The following MEI4 variants were observed in gnomAD, a reference collection of about 807,000 sequenced individuals.
MEI4 encodes the protein meiotic double-stranded break formation protein 4.
A neutral mutation model predicts 31.4 loss-of-function variants in MEI4; 27 were observed. The observed-to-expected ratio is 0.86, with a 90% CI of 0.63 to 1.19. The LOEUF is 1.19. Ranked by LOEUF, MEI4 falls within the 50% of genes most tolerant of loss-of-function variation. The pLI is 0.00. For missense variants in MEI4, 329 were observed against 398.9 expected (o/e 0.82, Z 1.49); for synonymous variants, 122 against 145.4 (o/e 0.84, Z 1.16).
At chr6:77,841,899 ATGTG>A (rs1770375389) in intron 4 of MEI4, among the ~76,000 whole-genome samples, 1 of 152,150 alleles carries the variant, frequency 6.6e-6, no homozygotes, top group African/African-American at 2.4e-5. Context: ...ATAATGATAA[ATGTG>A]TGTGAGCCTA....
At chr6:77,742,884 T>C (rs1162488105) in intron 2 of MEI4, among the ~76,000 whole-genome samples, 1 of 152,118 alleles carries the variant, frequency 6.6e-6, no homozygotes, top group Non-Finnish European at 1.5e-5. Context: ...GGGACTCCTT[T>C]CCCCATTGCT....
At chr6:77,916,929 C>A (rs529981655) in intron 4 of MEI4, among the ~76,000 whole-genome samples, 2 of 148,942 alleles carry the variant, frequency 1.3e-5, no homozygotes, top group East Asian at 2.0e-4. Context: ...CCTACCCCCA[C>A]CCCACCACAG....
At chr6:77,821,728 A>T (rs1453035921) in intron 3 of MEI4, among the ~76,000 whole-genome samples, 1 of 148,486 alleles carries the variant, frequency 6.7e-6, no homozygotes, top group Non-Finnish European at 1.5e-5. Flanking sequence ...CCCAGAAAGC[A>T]GAGGTTGTGG....
At chr6:77,751,990 A>G (rs943560645) in intron 2 of MEI4, among the ~76,000 whole-genome samples, 1 of 152,170 alleles carries the variant, frequency 6.6e-6, no homozygotes, top group Non-Finnish European at 1.5e-5. Context: ...AACATAATCC[A>G]TCACATAAAC....
chr6:77,743,707 G>T (rs1388536745), intron 2 of MEI4, among the ~76,000 whole-genome samples: 1 of 152,150 alleles, frequency 6.6e-6, no homozygotes, highest in Non-Finnish European at 1.5e-5. Flanking sequence ...AGCCTAACTG[G>T]GAGGCACCCC....
intron 4 of MEI4, among the ~76,000 whole-genome samples, chr6:77,841,379 G>A (rs1266479615): frequency 2.7e-5 from 3 of 112,274 alleles, no homozygotes; most frequent in African/African-American, 7.8e-5. Context: ...TGCGCTTGTC[G>A]CCCAGGCTGG....
intron 4 of MEI4, among the ~76,000 whole-genome samples, chr6:77,911,127 T>C (rs1255160120): frequency 1.3e-5 from 2 of 152,056 alleles, no homozygotes; most frequent in East Asian, 3.9e-4. Flanking sequence ...TATTTTTTAT[T>C]GTTGCATTGC....
intron 4 of MEI4, among the ~76,000 whole-genome samples, chr6:77,886,435 GT>G (rs751562893): frequency 2.4e-5 from 1 of 41,814 alleles, no homozygotes; most frequent in East Asian, 2.1e-3. Context: ...TTCCAGTTTT[GT>G]TTTTTTTTTT....
At chr6:77,910,420 A>G (rs1766406610) in intron 4 of MEI4, among the ~76,000 whole-genome samples, 1 of 152,206 alleles carries the variant, frequency 6.6e-6, no homozygotes, top group Non-Finnish European at 1.5e-5. Flanking sequence ...AATAACAAAC[A>G]GAGAGCCAAA....
intron 1 of MEI4, among the ~76,000 whole-genome samples, chr6:77,690,315 TGA>T (rs1769134903): frequency 6.6e-6 from 1 of 152,184 alleles, no homozygotes; most frequent in South Asian, 2.1e-4. Flanking sequence ...ATCAGAATTT[TGA>T]GGGAGTATAT....
chr6:77,729,642 C>A (rs550368056), intron 2 of MEI4, among the ~76,000 whole-genome samples: 1 of 152,246 alleles, frequency 6.6e-6, no homozygotes, highest in South Asian at 2.1e-4. Context: ...ACTTTACAGA[C>A]TTCTTCAATT....
At chr6:77,760,482 T>C in intron 2 of MEI4, among the ~76,000 whole-genome samples, 1 of 152,174 alleles carries the variant, frequency 6.6e-6, no homozygotes. Context: ...CTATATTATT[T>C]ATCTTAGTCT....
intron 4 of MEI4, among the ~76,000 whole-genome samples, chr6:77,845,154 G>C (rs1770451703): frequency 6.6e-6 from 1 of 152,044 alleles, no homozygotes; most frequent in Admixed American, 6.6e-5. Flanking sequence ...ACAGCTAACA[G>C]CTTTTGTCTT....
chr6:77,793,922 T>C (rs958333172), intron 3 of MEI4, among the ~76,000 whole-genome samples: 4 of 151,940 alleles, frequency 2.6e-5, no homozygotes, highest in Admixed American at 2.6e-4. Context: ...AAAATGGAAA[T>C]AGTAAGTCCT....
chr6:77,728,222 A>G (rs1202341702), intron 2 of MEI4, among the ~76,000 whole-genome samples: 1 of 152,252 alleles, frequency 6.6e-6, no homozygotes, highest in Non-Finnish European at 1.5e-5. Flanking sequence ...ATGTTCTAAA[A>G]TAGCCAAAAT....
intron 4 of MEI4, among the ~76,000 whole-genome samples, chr6:77,844,870 A>T (rs1379197197): frequency 6.6e-6 from 1 of 152,108 alleles, no homozygotes; most frequent in East Asian, 1.9e-4. Context: ...AGGAACTAGG[A>T]CTCATTAACC....
At chr6:77,860,383 A>G (rs1423797641) in intron 4 of MEI4, among the ~76,000 whole-genome samples, 4 of 152,204 alleles carry the variant, frequency 2.6e-5, no homozygotes, top group African/African-American at 9.6e-5. Flanking sequence ...TAGTCTAGAA[A>G]GATTCATTAA....
At chr6:77,704,008 G>T (rs752977550) in intron 2 of MEI4, among the ~76,000 whole-genome samples, 1 of 152,158 alleles carries the variant, frequency 6.6e-6, no homozygotes, top group Non-Finnish European at 1.5e-5. Flanking sequence ...AGAGAGAAAA[G>T]TAGAAGATAC....
intron 1 of MEI4, among the ~76,000 whole-genome samples, chr6:77,663,852 T>A (rs1392291570): frequency 6.7e-6 from 1 of 148,924 alleles, no homozygotes; most frequent in Non-Finnish European, 1.5e-5. Context: ...TGGGAAGGAG[T>A]CAGTCAGAGA....
Sources: gnomAD v4.1 joint callset for allele counts (sites outside exome capture counted in the v4.1 genomes callset) on GRCh38, gnomAD v4.1.1 for gene constraint, MANE v1.5 for transcripts, NCBI Gene and HGNC (gene_info 2026-07-23, HGNC 2026-07-21) for gene names.